Variants in SPTBN5 observed in about 807,000 individuals in gnomAD.
The protein encoded by SPTBN5 is spectrin beta chain, non-erythrocytic 5.
Under a neutral mutation model 477.6 loss-of-function variants are expected in SPTBN5, and 513 were observed. That is an observed-to-expected ratio of 1.07 (90% confidence interval 1.00 to 1.16). SPTBN5 has a LOEUF of 1.16. Among genes scored for constraint, SPTBN5 ranks in the 50% most tolerant of loss-of-function variants. The pLI is 0.00. For synonymous variants in SPTBN5, 2,169 were observed against 2,011.7 expected (o/e 1.08, Z -2.09); for missense variants, 5,062 against 4,731.8 (o/e 1.07, Z -2.05).
At position 41,863,939 on chromosome 15, in the gene SPTBN5, A is replaced by G. The variant is rs758989464; in HGVS notation, c.7004T>C (p.Ile2335Thr). ...GTTGAGCTGGCTTCGCCGCTGGCAGATGATCTTGACTTCCTCAGGGTCCCG... is the reference window on the plus strand; with the variant it reads ...GTTGAGCTGGCTTCGCCGCTGGCAGGTGATCTTGACTTCCTCAGGGTCCCG... ...KNRDPEEVKI[I>T]CQRRSQLNNR... Residue 2335 changes from isoleucine to threonine, a missense_variant, in exon 40 of 68, where the codon ATC becomes ACC. Physicochemically the swap from Ile to Thr is moderately conservative, Grantham distance 89. Coordinates refer to ENST00000320955, the MANE Select transcript of SPTBN5 (RefSeq NM_016642.4). 1 of 1,613,874 alleles carries G rather than the reference A, an allele frequency of 6.2e-7. No homozygotes were observed. Among genetic ancestry groups the G allele is most frequent in the Non-Finnish European group, 8.5e-7 (1 of 1,179,874 alleles).
At position 41,881,969 on chromosome 15, in the gene SPTBN5, C is replaced by A; in HGVS notation, c.2424G>T (p.Gly808=). 1 of 1,540,504 alleles carries A rather than the reference C, an allele frequency of 6.5e-7. No homozygotes were observed. Among genetic ancestry groups the A allele is most frequent in the Non-Finnish European group, 8.7e-7 (1 of 1,152,922 alleles). The part of the protein sequence containing the change: ...AAELRRLEEQ[G]RAASARASLF... The stretch of plus-strand genomic sequence containing the variant: ...ACGACGCCCGGGCCGAGGCCGCCCG[C>A]CCCTGCTCCTCCAGCCGCCGCAGCT... Residue 808 remains glycine (G), a synonymous_variant, in exon 12 of 68, where the codon GGG becomes GGT. Coordinates refer to ENST00000320955, the MANE Select transcript of SPTBN5 (RefSeq NM_016642.4).
At position 41,893,300 on chromosome 15, in the gene SPTBN5, G is replaced by A. The variant is rs765811111; in HGVS notation, c.198C>T (p.Asn66=). 8.1e-6 allele frequency: 13 copies of A among 1,613,898 alleles called. No individual in the cohort carries two copies. Among genetic ancestry groups the A allele is most frequent in the African/African-American group, 6.7e-5 (5 of 74,946 alleles). ...QEKTFTKWIN[N]VFQCGQAGIK... Reference sequence around the variant, plus strand: ...TACTCACCTGGCCGCACTGGAAGACGTTATTGATCCACTTGGTGAAAGTCT... The same window carrying A: ...TACTCACCTGGCCGCACTGGAAGACATTATTGATCCACTTGGTGAAAGTCT... The change falls in exon 2 of 68, where the codon AAC becomes AAT. Residue 66 remains asparagine (N), a synonymous_variant. Coordinates refer to ENST00000320955, the MANE Select transcript of SPTBN5 (RefSeq NM_016642.4).
chr15:41,860,669 C>T lies in SPTBN5; in HGVS notation c.7905G>A (p.Leu2635=). The T allele has an allele frequency of 6.3e-7, 1 of 1,578,998 alleles. No homozygotes were observed. The highest frequency in any genetic ancestry group is 8.6e-7 in the Non-Finnish European group (1 of 1,163,120). Residue 2635 remains leucine (L), a synonymous_variant, in exon 47 of 68, where the codon CTG becomes CTA. Coordinates refer to ENST00000320955, the MANE Select transcript of SPTBN5 (RefSeq NM_016642.4). The part of the protein sequence containing the change: ...LEVQAGKISA[L]EATARGLHQG... ...GGTGCAGGCCGCGGGCCGTGGCCTCCAGAGCACTGATCTTTCCCGCCTGCA... is the reference window on the plus strand; with the variant it reads ...GGTGCAGGCCGCGGGCCGTGGCCTCTAGAGCACTGATCTTTCCCGCCTGCA...
intron 63 of SPTBN5, among the ~76,000 whole-genome samples, 192 bp downstream of exon 63, chr15:41,851,587 G>GGGGT (rs1555460000): frequency 6.6e-6 from 1 of 151,054 alleles, no homozygotes; most frequent in Non-Finnish European, 1.5e-5. Flanking sequence ...CTCCTGGTGG[G>GGGGT]GGTGGGTAGG....
rs2065849718 is a variant in SPTBN5, at chr15:41,853,736, A to T, written c.9826T>A (p.Cys3276Ser). ...GCAGGATGTAGCTGGCCCAGTCGGC[A>T]GGCCTCCGTCTGTAGCCGTGCCACC... Reference protein sequence around the residue: ...KEVARLQTEACRLGQLHPAAP... With the variant: ...KEVARLQTEASRLGQLHPAAP... Residue 3276 changes from cysteine (C) to serine (S), a missense_variant, in exon 58 of 68, where the codon TGC becomes AGC. Coordinates refer to ENST00000320955, the MANE Select transcript of SPTBN5 (RefSeq NM_016642.4). 1 of 1,588,022 alleles carries T rather than the reference A, an allele frequency of 6.3e-7. No individual in the cohort carries two copies. The highest frequency in any genetic ancestry group is 1.8e-5 in the Admixed American group (1 of 56,428).
rs1252518882 is a variant in SPTBN5, at chr15:41,881,948, C to A, written c.2445G>T (p.Ala815=). The change falls in exon 12 of 68, where the codon GCG becomes GCT. Residue 815 remains alanine (A), a synonymous_variant. Coordinates refer to ENST00000320955, the MANE Select transcript of SPTBN5 (RefSeq NM_016642.4). ...TCCCCGTCCTCACCGTGAATAACGA[C>A]GCCCGGGCCGAGGCCGCCCGCCCCT... ...EEQGRAASAR[A]SLFTVNSALS... is the part of the protein sequence containing the mutation. The A allele has an allele frequency of 2.0e-6, 3 of 1,528,464 alleles. No homozygotes were observed. Among genetic ancestry groups the A allele is most frequent in the Middle Eastern group, 2.3e-4 (1 of 4,320 alleles). 94.7% of individuals were successfully genotyped at this position (1,528,464 alleles called of 1,614,324 possible).
Position 41,880,214 on chromosome 15 carries a change from G to A in SPTBN5, c.2757C>T (p.Leu919=), listed in dbSNP as rs61750764. 1.1e-3 allele frequency: 1,800 copies of A among 1,604,466 alleles called. 2 individuals carry two copies. The highest frequency in any genetic ancestry group is 1.4e-3 in the Non-Finnish European group (1,600 of 1,176,232). The change falls in exon 14 of 68, where the codon CTC becomes CTT. Residue 919 remains leucine (L), a synonymous_variant. Coordinates refer to ENST00000320955, the MANE Select transcript of SPTBN5 (RefSeq NM_016642.4). ...TGTCAGCCTGGGGCTGCACCCTTTG[G>A]AGCAGCACTGTCTGCTTCTCCAGCC... ...QLWLEKQTVL[L]QRVQPQADTL...
chr15:41,853,186 A>AG, intron 59 of SPTBN5, 72 bp downstream of exon 59: 2 of 1,521,034 alleles, frequency 1.3e-6, no homozygotes, highest in South Asian at 2.6e-5. Context: ...CATGCCTGTG[A>AG]GGGGCCCTGA....
rs376382011 is a variant in SPTBN5, at chr15:41,853,339, G to A, written c.10089C>T (p.Ile3363=). ...CCTGGGCTTGAAGGCGGCACTCCCT[G>A]ATTTCTTGCCCCAGCTCTTCATGCT... ...LGQHEELGQE[I]RECRLQAQDL... Residue 3363 remains isoleucine, a synonymous_variant, in exon 59 of 68, where the codon ATC becomes ATT. Transcript: ENST00000320955. 6.2e-7 allele frequency: 1 copy of A among 1,612,682 alleles called. No homozygotes were observed. The highest frequency in any genetic ancestry group is 8.5e-7 in the Non-Finnish European group (1 of 1,179,596).
intron 63 of SPTBN5, among the ~76,000 whole-genome samples, 193 bp downstream of exon 63, chr15:41,851,586 G>GT (rs1229674383): frequency 3.3e-5 from 5 of 151,184 alleles, no homozygotes; most frequent in African/African-American, 1.2e-4. Context: ...CCTCCTGGTG[G>GT]GGGTGGGTAG....
chr15:41,883,470 C>T lies in SPTBN5; in HGVS notation c.1537G>A (p.Val513Met), dbSNP rs1417330917. Residue 513 changes from valine to methionine, a missense_variant, in exon 8 of 68, where the codon GTG becomes ATG. By Grantham distance (21) the Val-to-Met change is conservative (BLOSUM62 1). Coordinates refer to ENST00000320955, the MANE Select transcript of SPTBN5 (RefSeq NM_016642.4). ...DVARRQEEVTVRWQRLLQHLQ... is the reference protein window; with the variant it reads ...DVARRQEEVTMRWQRLLQHLQ... ...TGCTGAAGGAGCCTCTGCCAGCGCA[C>T]GGTAACTTCCTCCTGCCTAGAGGAT... is the stretch of plus-strand genomic sequence containing the variant. 12 of 1,613,736 alleles carry T rather than the reference C, an allele frequency of 7.4e-6. No homozygotes were observed. Among genetic ancestry groups the T allele is most frequent in the South Asian group, 2.2e-5 (2 of 91,082 alleles).
chr15:41,860,617 C>T lies in SPTBN5; in HGVS notation c.7957G>A (p.Ala2653Thr). 6 of 1,514,672 alleles carry T rather than the reference C, an allele frequency of 4.0e-6. No individual in the cohort carries two copies. In the South Asian group the frequency reaches 5.2e-5, roughly 13 times the overall value. The allele number at this position is 1,514,672 out of a possible 1,614,324, so 93.8% of individuals were successfully genotyped here. A position where few individuals can be genotyped will look rare whatever the true frequency, so the allele number is the denominator to read the frequency against. The change falls in exon 47 of 68, where the codon GCC becomes ACC. Residue 2653 changes from alanine (A) to threonine (T), a missense_variant. Ala to Thr is a moderately conservative substitution (Grantham distance 58). Transcript: ENST00000320955. ...AGCATGGCCTGGCACCTGCCCAGGG[C>T]ACTCTGGGCCTCGGGGTGCCCACCC... ...HQGGHPEAQS[A>T]LGRCQAMLLR...
rs759770849 is a variant in SPTBN5 at position 41,851,840 on chromosome 15, C to T, written c.10595G>A (p.Gly3532Asp). 7.5e-6 allele frequency: 12 copies of T among 1,609,244 alleles called. No individual in the cohort carries two copies. In the African/African-American group the frequency reaches 1.6e-4, roughly 22 times the overall value. ...CAAAGACCCCTCCATGGTGGGGGTA[C>T]CCTTTGCATCCTGAAAATGCAAGAT... The part of the protein sequence containing the change: ...AETRDPQDAK[G>D]TPTMEGSLEF... Residue 3532 changes from glycine (G) to aspartate (D), a missense_variant, in exon 63 of 68, where the codon GGT becomes GAT. By Grantham distance (94) the Gly-to-Asp change is moderately conservative. Coordinates refer to ENST00000320955, the MANE Select transcript of SPTBN5 (RefSeq NM_016642.4).
At chr15:41,852,003 C>T (rs2065779936) in intron 62 of SPTBN5, 153 bp from the exon 63 acceptor site, 1 of 919,362 alleles carries the variant, frequency 1.1e-6, no homozygotes, top group East Asian at 2.6e-5. Flanking sequence ...TGAGATCGGG[C>T]ATGTTCAGGG....
At chr15:41,863,383 G>A (rs1371017318) in intron 41 of SPTBN5, among the ~76,000 whole-genome samples, 1 of 152,228 alleles carries the variant, frequency 6.6e-6, no homozygotes, top group Non-Finnish European at 1.5e-5. Flanking sequence ...GAGGGTTTGG[G>A]CTTCCTCAGG....
Position 41,875,454 on chromosome 15 carries a change from G to A in SPTBN5, c.4287+4C>T. Reference sequence around the variant, plus strand: ...CTTGTGCCCTGTCCCTCTTCCCAGTGGACCTGCAGCTGCCTCAGGAGTTGC... The same window carrying A: ...CTTGTGCCCTGTCCCTCTTCCCAGTAGACCTGCAGCTGCCTCAGGAGTTGC... On this transcript the variant is annotated splice_donor_region_variant and intron_variant, in intron 22 of 67. Coordinates refer to ENST00000320955, the MANE Select transcript of SPTBN5 (RefSeq NM_016642.4). 1 of 1,610,800 alleles carries A rather than the reference G, an allele frequency of 6.2e-7. No homozygotes were observed. The highest frequency in any genetic ancestry group is 8.5e-7 in the Non-Finnish European group (1 of 1,179,246).
intron 63 of SPTBN5, 54 bp downstream of exon 63, chr15:41,851,725 C>T: frequency 7.1e-7 from 1 of 1,401,278 alleles, no homozygotes; most frequent in South Asian, 1.2e-5. Context: ...TCGAGCCACT[C>T]AAGTGCTGCT....
At chr15:41,874,636 C>T (rs1220341439) in intron 23 of SPTBN5, among the ~76,000 whole-genome samples, 158 bp from the exon 24 acceptor site, 5 of 152,224 alleles carry the variant, frequency 3.3e-5, no homozygotes. Context: ...CGCCAGGGCC[C>T]CACCTCATGG....
intron 44 of SPTBN5, 45 bp downstream of exon 44, chr15:41,862,057 AGGAGATGAGAGGAAGGGGAGGGCAGGGC>A (rs1408126610): frequency 2.7e-6 from 4 of 1,494,428 alleles, no homozygotes; most frequent in South Asian, 2.5e-5. Flanking sequence ...CCCAAGAGCA[AGGAGATGAGAGGAAGGGGAGGGCAGGGC>A]GGAGCTGAGA....
Sources: allele counts gnomAD v4.1 joint callset (sites outside exome capture counted in the v4.1 genomes callset), GRCh38; gene constraint gnomAD v4.1.1; transcripts MANE v1.5; gene names NCBI Gene and HGNC (gene_info 2026-07-23, HGNC 2026-07-21).